Variants in ZC3HC1 observed in about 807,000 individuals in gnomAD.
ZC3HC1 encodes zinc finger C3HC-type containing 1.
A neutral mutation model predicts 61.9 loss-of-function variants in ZC3HC1; 38 were observed. The ratio of observed to expected loss-of-function variants is 0.61; its 90% confidence interval spans 0.47 to 0.81. ZC3HC1 has a LOEUF of 0.81. ZC3HC1 is among the 30% of genes least tolerant of loss of function. The pLI is 0.00. For missense variants in ZC3HC1, 554 were observed against 622.7 expected, an observed-to-expected ratio of 0.89 and a Z score of 1.17; for synonymous variants, 213 against 229.9, an observed-to-expected ratio of 0.93 and a Z score of 0.67.
At chr7:130,047,371 C>T (rs1450881873) in intron 2 of ZC3HC1, among the ~76,000 whole-genome samples, 1 of 152,174 alleles carries the variant, frequency 6.6e-6, no homozygotes, top group Admixed American at 6.6e-5. Context: ...GCTAGGATTA[C>T]AGGCGTAAGC....
At chr7:130,039,817 C>T (rs889777819) in intron 3 of ZC3HC1, among the ~76,000 whole-genome samples, 7 of 151,830 alleles carry the variant, frequency 4.6e-5, no homozygotes, top group African/African-American at 1.7e-4. Context: ...TGTAGTGGTG[C>T]AATCTCGGCT....
Position 130,018,397 on chromosome 7 carries a change from A to G in ZC3HC1, c.*267T>C, listed in dbSNP as rs1351838438. 5 of 384,640 alleles carry G rather than the reference A, an allele frequency of 1.3e-5. No individual in the cohort carries two copies. The highest frequency in any genetic ancestry group is 4.0e-5 in the Admixed American group (1 of 25,044). 23.8% of individuals were successfully genotyped at this position (384,640 alleles called of 1,614,324 possible). On this transcript the variant is annotated 3_prime_UTR_variant, in exon 10 of 10. Coordinates refer to ENST00000358303, the MANE Select transcript of ZC3HC1 (RefSeq NM_016478.5). Reference sequence around the variant, plus strand: ...TGCTGAAATGGGTGGTCAGGTCCTTAGTCTTCCTTCTAGTCTGTTAATCCC... The same window carrying G: ...TGCTGAAATGGGTGGTCAGGTCCTTGGTCTTCCTTCTAGTCTGTTAATCCC...
At chr7:130,022,190 C>A (rs1032258303) in intron 9 of ZC3HC1, 129 bp downstream of exon 9, 33 of 1,243,832 alleles carry the variant, frequency 2.7e-5, no homozygotes, top group East Asian at 5.0e-5. Context: ...AACAAACAAA[C>A]AAAAAAACCC....
intron 4 of ZC3HC1, among the ~76,000 whole-genome samples, chr7:130,031,340 A>AC (rs1297885510): frequency 4.0e-5 from 6 of 151,132 alleles, no homozygotes; most frequent in Non-Finnish European, 8.9e-5. Context: ...AAAAAAAAAA[A>AC]AACAGAAAAC....
intron 4 of ZC3HC1, among the ~76,000 whole-genome samples, chr7:130,033,224 G>A (rs990591567): frequency 3.3e-5 from 5 of 152,036 alleles, no homozygotes; most frequent in African/African-American, 1.2e-4. Context: ...TGTAGAGATG[G>A]GGTTTTACTA....
chr7:130,035,404 A>AC (rs1433711342), intron 4 of ZC3HC1, among the ~76,000 whole-genome samples: 211 of 151,892 alleles, frequency 1.4e-3, no homozygotes, highest in African/African-American at 4.7e-3. Context: ...AAAAAAAAAA[A>AC]AAAACAGCCG....
Position 130,039,514 on chromosome 7 carries a change from A to G in ZC3HC1, c.443T>C (p.Leu148Ser). ...ACAGAACTTCTCATGGGCAGTACAC[A>G]AGGCTTTCTTCAGCTCAGCACATCG... is the stretch of plus-strand genomic sequence containing the variant. ...KQRCAELKKA[L>S]CTAHEKFCFW... Residue 148 changes from leucine to serine, a missense_variant, in exon 4 of 10, where the codon TTG (leucine) becomes TCG (serine). By Grantham distance (145) the Leu-to-Ser change is moderately radical (BLOSUM62 -2). Coordinates refer to ENST00000358303, the MANE Select transcript of ZC3HC1 (RefSeq NM_016478.5). The G allele has an allele frequency of 6.2e-7, 1 of 1,612,938 alleles. No homozygotes were observed. The highest frequency in any genetic ancestry group is 1.7e-5 in the Admixed American group (1 of 59,660).
intron 4 of ZC3HC1, among the ~76,000 whole-genome samples, chr7:130,029,624 T>C (rs1286155799): frequency 6.6e-6 from 1 of 152,152 alleles, no homozygotes; most frequent in African/African-American, 2.4e-5. Flanking sequence ...TGTTAGGTGT[T>C]AGGAATATAG....
intron 5 of ZC3HC1, among the ~76,000 whole-genome samples, chr7:130,028,531 G>C (rs1794028994): frequency 6.6e-6 from 1 of 152,018 alleles, no homozygotes; most frequent in African/African-American, 2.4e-5. Flanking sequence ...GACAGAAAGA[G>C]ACTCGGTCTC....
At position 130,023,386 on chromosome 7, in the gene ZC3HC1, T is replaced by A; in HGVS notation, c.1233+125A>T. On this transcript the variant is annotated intron_variant, in intron 8 of 9. Transcript: ENST00000358303. The surrounding 1 kb of genome is among the most constrained non-coding windows in gnomAD (Gnocchi z 4.2). ...TCCCTTTGGTCATCCAACTTTAAAT[T>A]TATTCACATGGTCTACTTTTTGCAT... 1.1e-6 allele frequency: 1 copy of A among 943,450 alleles called. No individual in the cohort carries two copies. 58.4% of individuals were successfully genotyped at this position (943,450 alleles called of 1,614,324 possible).
Position 130,023,497 on chromosome 7 carries a change from C to A in ZC3HC1, c.1233+14G>T, listed in dbSNP as rs771598293. On this transcript the variant is annotated intron_variant, in intron 8 of 9. Coordinates refer to ENST00000358303, the MANE Select transcript of ZC3HC1 (RefSeq NM_016478.5). The surrounding 1 kb of genome is among the most constrained non-coding windows in gnomAD (Gnocchi z 4.2). ...GTTTATGCTCAGCCACTGCTACATG[C>A]GAGGTGGACTCACCGAACTGCTGGA... 1 of 1,613,132 alleles carries A rather than the reference C, an allele frequency of 6.2e-7. No homozygotes were observed. The highest frequency in any genetic ancestry group is 8.5e-7 in the Non-Finnish European group (1 of 1,179,578).
chr7:130,046,068 G>T (rs1466474648), intron 2 of ZC3HC1, among the ~76,000 whole-genome samples: 1 of 152,028 alleles, frequency 6.6e-6, no homozygotes, highest in Admixed American at 6.6e-5. Flanking sequence ...CCAAACACAT[G>T]TTCTCACTTA....
intron 2 of ZC3HC1, among the ~76,000 whole-genome samples, chr7:130,045,991 T>A (rs551886577): frequency 2.0e-5 from 3 of 151,856 alleles, no homozygotes; most frequent in African/African-American, 7.2e-5. Flanking sequence ...CGAGATCATG[T>A]CCTTTGCAGG....
intron 9 of ZC3HC1, 27 bp downstream of exon 9, chr7:130,022,292 C>T (rs1481816726): frequency 1.2e-6 from 2 of 1,613,642 alleles, no homozygotes; most frequent in African/African-American, 2.7e-5. Flanking sequence ...AAGTGCTGCC[C>T]ACACACAAGG....
At chr7:130,041,176 G>GTGTA (rs1584589984) in intron 2 of ZC3HC1, 75 bp from the exon 3 acceptor site, 3 of 1,395,448 alleles carry the variant, frequency 2.1e-6, no homozygotes, top group East Asian at 2.4e-5. Flanking sequence ...GTGTGTGTGT[G>GTGTA]TATACACATA....
Position 130,039,823 on chromosome 7 carries a change from C to T in ZC3HC1, c.410-276G>A, listed in dbSNP as rs192504747. Among the ~76,000 whole-genome samples the T allele has an allele frequency of 3.5e-3, 537 of 151,904 alleles. 3 individuals are homozygous for T. The highest frequency in any genetic ancestry group is 0.011 in the African/African-American group (471 of 41,440). ...AGGCTTGAGTGTAGTGGTGCAATCT[C>T]GGCTCATTGCAACCTCCATCTCCCA... On this transcript the variant is annotated intron_variant, in intron 3 of 9. Transcript: ENST00000358303.
chr7:130,032,716 AG>A (rs1387198257), intron 4 of ZC3HC1, among the ~76,000 whole-genome samples: 88 of 93,692 alleles, frequency 9.4e-4, no homozygotes, highest in South Asian at 1.7e-3. Context: ...GAAGGAAGGA[AG>A]GGAAGGAGGG....
intron 3 of ZC3HC1, among the ~76,000 whole-genome samples, chr7:130,040,100 C>T (rs897271283): frequency 7.4e-6 from 1 of 135,232 alleles, no homozygotes; most frequent in African/African-American, 2.8e-5. Flanking sequence ...TAGAAGTATA[C>T]ATTTTGGAAT....
rs767398625 is a variant in ZC3HC1 at position 130,028,930 on chromosome 7, G to C, written c.593C>G (p.Ser198Cys). The C allele has an allele frequency of 6.2e-7, 1 of 1,613,728 alleles. No individual in the cohort carries two copies. Among genetic ancestry groups the C allele is most frequent in the South Asian group, 1.1e-5 (1 of 91,066 alleles). The change falls in exon 5 of 10, where the codon TCC becomes TGC. Residue 198 changes from serine to cysteine, a missense_variant. By Grantham distance (112) the Ser-to-Cys change is moderately radical (BLOSUM62 -1). Transcript: ENST00000358303. ...AGTTTTCAAGTCCTCCGGCCTTAGG[G>C]AAGGAAGCTGGAGGTCCAAGTGACA... ...SLCHLDLQLP[S>C]LRPEDLKTMC...
Sources: gnomAD v4.1 joint callset for allele counts (sites outside exome capture counted in the v4.1 genomes callset) on GRCh38, gnomAD v4.1.1 for gene constraint, Gnocchi (gnomAD v3.1) non-coding constraint, MANE v1.5 for transcripts, NCBI Gene and HGNC (gene_info 2026-07-23, HGNC 2026-07-21) for gene names.